The following NR5A2 variants were observed in gnomAD, a reference collection of about 807,000 sequenced individuals.
NR5A2 encodes the protein CYP7A promoter-binding factor.
In NR5A2, 26 loss-of-function variants were observed where a neutral mutation model predicts 62.7. That is an observed-to-expected ratio of 0.41 (90% CI 0.30 to 0.58). The LOEUF (loss-of-function observed/expected upper bound fraction) is 0.58. NR5A2 is among the 20% of genes least tolerant of loss of function. The probability of loss-of-function intolerance (pLI) is 0.22; values close to 1 mark genes in which losing one functional copy is unlikely to be tolerated. For synonymous variants in NR5A2, 246 were observed against 241.7 expected (o/e 1.02, Z -0.16); for missense variants, 541 against 669.1 (o/e 0.81, Z 2.11).
intron 7 of NR5A2, among the ~76,000 whole-genome samples, chr1:200,152,662 G>T (rs1239661555): frequency 6.6e-6 from 1 of 152,118 alleles, no homozygotes; most frequent in African/African-American, 2.4e-5. Flanking sequence ...ATATTTAAAT[G>T]ATAAAATTTT....
intron 5 of NR5A2, among the ~76,000 whole-genome samples, chr1:200,066,463 C>T (rs988369523): frequency 6.6e-6 from 1 of 152,056 alleles, no homozygotes. Flanking sequence ...TTATTCTAAT[C>T]CTTATTTTTA....
Position 200,177,091 on chromosome 1 carries a change from T to G in NR5A2, c.*2881T>G, listed in dbSNP as rs1475170460. On this transcript the variant is annotated 3_prime_UTR_variant, in exon 8 of 8. Coordinates refer to ENST00000367362, the MANE Select transcript of NR5A2 (RefSeq NM_205860.3). ...AGCCGATTTGTAACCTGGCATTTAC[T>G]TAGCAACTGCCTTATCAATTACAGG... 1 of 152,446 alleles carries G rather than the reference T, an allele frequency of 6.6e-6. No individual in the cohort carries two copies. The highest frequency in any genetic ancestry group is 6.5e-5 in the Admixed American group (1 of 15,288). The allele number at this position is 152,446 out of a possible 1,614,324, so 9.4% of individuals were successfully genotyped here.
At chr1:200,074,734 C>A (rs1663932567) in intron 5 of NR5A2, among the ~76,000 whole-genome samples, 3 of 31,012 alleles carry the variant, frequency 9.7e-5, no homozygotes, top group Admixed American at 3.8e-4. Context: ...GAGAGTCCAT[C>A]TCAAAAAAAA....
chr1:200,055,138 T>C (rs148745986), intron 5 of NR5A2, among the ~76,000 whole-genome samples: 1 of 151,952 alleles, frequency 6.6e-6, no homozygotes, highest in African/African-American at 2.4e-5. Context: ...CAAGCAGTCC[T>C]CCTACCTTGG....
intron 7 of NR5A2, among the ~76,000 whole-genome samples, chr1:200,125,112 T>G (rs570326281): frequency 1.1e-3 from 162 of 152,268 alleles, no homozygotes; most frequent in African/African-American, 3.8e-3. Context: ...ATTCTCCCAG[T>G]TTATGAGAGG....
chr1:200,103,106 TCATG>T (rs1665464289), intron 5 of NR5A2, among the ~76,000 whole-genome samples: 1 of 151,186 alleles, frequency 6.6e-6, no homozygotes, highest in South Asian at 2.1e-4. Context: ...TTAAATGAGT[TCATG>T]CATGTAAAAC....
intron 5 of NR5A2, among the ~76,000 whole-genome samples, chr1:200,091,203 G>T (rs2102252942): frequency 6.6e-6 from 1 of 152,228 alleles, no homozygotes; most frequent in African/African-American, 2.4e-5. Context: ...TAGGGTTAGG[G>T]ACTAGACTGA....
intron 1 of NR5A2, among the ~76,000 whole-genome samples, chr1:200,037,037 A>C (rs1661810053): frequency 6.6e-6 from 1 of 152,162 alleles, no homozygotes; most frequent in Admixed American, 6.5e-5. Flanking sequence ...GAGATAAATG[A>C]GTGCCAGCTG....
chr1:200,095,831 T>C lies in NR5A2; in HGVS notation c.1111-15371T>C, dbSNP rs539330859. On this transcript the variant is annotated intron_variant, in intron 5 of 7. Coordinates refer to ENST00000367362, the MANE Select transcript of NR5A2 (RefSeq NM_205860.3). Reference sequence around the variant, plus strand: ...CCTCCCAAAGTGCTGGGATTACAGGTGTGAGCCCCCGCGCCCGGCCAGCAA... The same window carrying C: ...CCTCCCAAAGTGCTGGGATTACAGGCGTGAGCCCCCGCGCCCGGCCAGCAA... Among the ~76,000 whole-genome samples, 27 of 152,050 alleles carry C rather than the reference T, an allele frequency of 1.8e-4. 2 individuals carry two copies. Among genetic ancestry groups the C allele is most frequent in the Admixed American group, 6.6e-4 (10 of 15,256 alleles).
intron 7 of NR5A2, among the ~76,000 whole-genome samples, chr1:200,163,483 ATTG>A (rs1295568071): frequency 1.3e-5 from 2 of 148,236 alleles, no homozygotes; most frequent in East Asian, 3.9e-4. Flanking sequence ...AATTTTGTTT[ATTG>A]TTTTTTTTTT....
rs200964817 is a variant in NR5A2 at position 200,119,913 on chromosome 1, C to CT, written c.1231-883dup. On this transcript the variant is annotated intron_variant, in intron 6 of 7. Coordinates refer to ENST00000367362, the MANE Select transcript of NR5A2 (RefSeq NM_205860.3). ...CATGAGCCACCGTGCCCGGCCAGCA[C>CT]TTTTTTTTTTTTAATGAAAAGGGAA... 1.0e-3 allele frequency among the ~76,000 whole-genome samples: 150 copies of CT among 144,038 alleles called. 1 individual carries two copies. The highest frequency in any genetic ancestry group is 1.6e-3 in the Admixed American group (23 of 14,356). The allele number at this position is 144,038 out of a possible 152,430, so 94.5% of individuals were successfully genotyped here. A position where few individuals can be genotyped will look rare whatever the true frequency, so the allele number is the denominator to read the frequency against.
intron 2 of NR5A2, among the ~76,000 whole-genome samples, chr1:200,040,157 A>T (rs970679917): frequency 4.6e-5 from 7 of 152,178 alleles, no homozygotes; most frequent in Admixed American, 2.0e-4. Flanking sequence ...TGTCATTGGA[A>T]TTGGTGTGTA....
intron 7 of NR5A2, among the ~76,000 whole-genome samples, chr1:200,137,585 A>G (rs1037355924): frequency 2.0e-5 from 3 of 152,176 alleles, no homozygotes; most frequent in Non-Finnish European, 4.4e-5. Flanking sequence ...ATTAGCCTAG[A>G]TTATTAGCAG....
intron 5 of NR5A2, among the ~76,000 whole-genome samples, chr1:200,107,030 G>A (rs1282748131): frequency 2.6e-5 from 4 of 152,156 alleles, no homozygotes; most frequent in South Asian, 2.1e-4. Context: ...CTCGAGTGGC[G>A]GGGGCGGCGT....
chr1:200,167,673 T>G (rs7549634), intron 7 of NR5A2, among the ~76,000 whole-genome samples: 3,847 of 152,288 alleles, frequency 0.025, 173 homozygotes, highest in African/African-American at 0.083. Flanking sequence ...TGCAGCACTC[T>G]TCACAGTCTT....
At chr1:200,053,773 G>T (rs1468560127) in intron 5 of NR5A2, among the ~76,000 whole-genome samples, 1 of 152,166 alleles carries the variant, frequency 6.6e-6, no homozygotes, top group Admixed American at 6.5e-5. Flanking sequence ...GGGAGTGAAT[G>T]AGTCACTTTA....
At chr1:200,154,120 C>T (rs1346437808) in intron 7 of NR5A2, among the ~76,000 whole-genome samples, 1 of 152,114 alleles carries the variant, frequency 6.6e-6, no homozygotes, top group Non-Finnish European at 1.5e-5. Context: ...ACATTATTTC[C>T]AGAAGTATCT....
At chr1:200,140,664 C>T (rs1258892664) in intron 7 of NR5A2, among the ~76,000 whole-genome samples, 1 of 152,156 alleles carries the variant, frequency 6.6e-6, no homozygotes, top group African/African-American at 2.4e-5. Flanking sequence ...TGTTAAGATA[C>T]ATATAGGGGA....
At chr1:200,038,788 A>G (rs201596244) in intron 1 of NR5A2, 19 of 1,322,062 alleles carry the variant, frequency 1.4e-5, no homozygotes, top group Non-Finnish European at 3.0e-6. Context: ...ACCCGGCTGC[A>G]TTTACATCCC....
Sources: gnomAD v4.1 joint callset for allele counts (sites outside exome capture counted in the v4.1 genomes callset) on GRCh38, gnomAD v4.1.1 for gene constraint, MANE v1.5 for transcripts, NCBI Gene and HGNC (gene_info 2026-07-23, HGNC 2026-07-21) for gene names.